The following SMURF1 variants were observed in gnomAD, a reference collection of about 807,000 sequenced individuals.
The protein encoded by SMURF1 is SMAD specific E3 ubiquitin protein ligase 1.
In SMURF1, 44 loss-of-function variants were observed where a neutral mutation model predicts 98.0. That is an observed-to-expected ratio of 0.45 (90% CI 0.35 to 0.58). The LOEUF (loss-of-function observed/expected upper bound fraction) is 0.58, where lower values mean the gene tolerates loss of function less well. Ranked by LOEUF, SMURF1 falls within the 20% of genes least tolerant of loss-of-function variation. The pLI, the probability that SMURF1 is intolerant of heterozygous loss-of-function variation, is 0.00. For missense variants in SMURF1, 687 were observed against 938.4 expected (o/e 0.73, Z 3.50); for synonymous variants, 396 against 374.9 (o/e 1.06, Z -0.65).
At chr7:99,043,206 G>C (rs965135891) in intron 11 of SMURF1, among the ~76,000 whole-genome samples, 2 of 152,208 alleles carry the variant, frequency 1.3e-5, no homozygotes, top group South Asian at 4.1e-4. Context: ...TTCTGGAAGT[G>C]GTAAGGGAAG....
At chr7:99,057,096 C>G (rs887717948) in intron 5 of SMURF1, 109 bp downstream of exon 5, 1 of 1,170,316 alleles carries the variant, frequency 8.5e-7, no homozygotes, top group South Asian at 1.3e-5. Context: ...GTGGTCTGTC[C>G]TCTGAGGCCC....
At chr7:99,054,977 A>G in intron 5 of SMURF1, 112 bp from the exon 6 acceptor site, 2 of 915,992 alleles carry the variant, frequency 2.2e-6, no homozygotes, top group South Asian at 2.7e-5. Flanking sequence ...AAAACGAGGC[A>G]TATGTGTATG....
At position 99,137,795 on chromosome 7, in the gene SMURF1, GT is replaced by G. The variant is rs199689176; in HGVS notation, c.55+5930del. On this transcript the variant is annotated intron_variant, in intron 1 of 17. Coordinates refer to ENST00000361368, the MANE Select transcript of SMURF1 (RefSeq NM_181349.3). The stretch of plus-strand genomic sequence containing the variant: ...CCTTGTTTTAAAACAATATGAGGGT[GT>G]TTTTTCCCCCATTAGTCCAGAAATG... Among the ~76,000 whole-genome samples the G allele has an allele frequency of 4.9e-3, 752 of 152,296 alleles. 3 individuals carry two copies. The highest frequency in any genetic ancestry group is 7.3e-3 in the Non-Finnish European group (497 of 68,032).
chr7:99,115,217 A>T (rs975496332), intron 1 of SMURF1, among the ~76,000 whole-genome samples: 1 of 152,136 alleles, frequency 6.6e-6, no homozygotes, highest in Non-Finnish European at 1.5e-5. Flanking sequence ...CTTTGAAAAG[A>T]TCAATAAAAC....
Position 99,040,312 on chromosome 7 carries a change from C to T in SMURF1, c.1550+66G>A, listed in dbSNP as rs1039705518. The T allele has an allele frequency of 1.3e-4, 180 of 1,387,240 alleles. 1 individual carries two copies. The highest frequency in any genetic ancestry group is 3.8e-4 in the South Asian group (21 of 55,890). 85.9% of individuals were successfully genotyped at this position (1,387,240 alleles called of 1,614,324 possible). ...ACACACACGCGCGCGCGCGCGCACG[C>T]GCATACATACGATAGACGTGGTGGT... On this transcript the variant is annotated intron_variant, in intron 13 of 17. Transcript: ENST00000361368.
chr7:99,103,704 C>A (rs898981791), intron 1 of SMURF1, among the ~76,000 whole-genome samples: 1 of 152,156 alleles, frequency 6.6e-6, no homozygotes, highest in Non-Finnish European at 1.5e-5. Context: ...AATACAGCAA[C>A]ACTGAGTTTA....
chr7:99,112,997 A>T lies in SMURF1; in HGVS notation c.55+30729T>A, dbSNP rs73709551. Among the ~76,000 whole-genome samples the T allele has an allele frequency of 9.1e-3, 1,376 of 151,726 alleles. 22 individuals are homozygous for T. The highest frequency in any genetic ancestry group is 0.029 in the African/African-American group (1,198 of 41,162). ...GCTTGATGAACAGAAATAAAAAAAA[A>T]TTTTTTTTAAATAAAGAGAGTCTAA... is the stretch of plus-strand genomic sequence containing the variant. On this transcript the variant is annotated intron_variant, in intron 1 of 17. Coordinates refer to ENST00000361368, the MANE Select transcript of SMURF1 (RefSeq NM_181349.3).
chr7:99,118,965 ATCG>A (rs372136604), intron 1 of SMURF1, among the ~76,000 whole-genome samples: 195 of 136,856 alleles, frequency 1.4e-3, no homozygotes, highest in Middle Eastern at 9.1e-3. Flanking sequence ...GGCTCAAGCG[ATCG>A]TCCCATCTCA....
intron 1 of SMURF1, among the ~76,000 whole-genome samples, chr7:99,080,686 CAAAAT>C (rs1394080980): frequency 1.3e-5 from 2 of 152,176 alleles, no homozygotes; most frequent in Non-Finnish European, 2.9e-5. Context: ...CACCTTCTAA[CAAAAT>C]AATAATAAGA....
In SMURF1 at chr7:99,028,529, G is replaced by A. The variant is rs1307598897; in HGVS notation, c.*2055C>T. 1 of 152,340 alleles carries A rather than the reference G, an allele frequency of 6.6e-6. No homozygotes were observed. Among genetic ancestry groups the A allele is most frequent in the Non-Finnish European group, 1.5e-5 (1 of 68,162 alleles). 9.4% of individuals were successfully genotyped at this position (152,340 alleles called of 1,614,324 possible). Reference sequence around the variant, plus strand: ...GAAGCAACACCCGGCACGAGAGGCAGGGCAGCACCAACCAGCATGGGGATG... The same window carrying A: ...GAAGCAACACCCGGCACGAGAGGCAAGGCAGCACCAACCAGCATGGGGATG... On this transcript the variant is annotated 3_prime_UTR_variant, in exon 18 of 18. Coordinates refer to ENST00000361368, the MANE Select transcript of SMURF1 (RefSeq NM_181349.3).
In SMURF1 at chr7:99,029,715, C is replaced by T. The variant is rs1170521714; in HGVS notation, c.*869G>A. 1 of 152,176 alleles carries T rather than the reference C, an allele frequency of 6.6e-6. No individual in the cohort carries two copies. The highest frequency in any genetic ancestry group is 1.9e-4 in the East Asian group (1 of 5,192). 9.4% of individuals were successfully genotyped at this position (152,176 alleles called of 1,614,324 possible). The stretch of plus-strand genomic sequence containing the variant: ...TATTTTAAGTGACACAGTCGATGCT[C>T]TTCTATGGACAACAGTGGCACAGAG... On this transcript the variant is annotated 3_prime_UTR_variant, in exon 18 of 18. Transcript: ENST00000361368.
chr7:99,056,175 A>C (rs1795871827), intron 5 of SMURF1, among the ~76,000 whole-genome samples: 1 of 152,222 alleles, frequency 6.6e-6, no homozygotes, highest in African/African-American at 2.4e-5. Flanking sequence ...ATGATGGTAG[A>C]TTTCAGGGTG....
chr7:99,036,202 G>A, intron 15 of SMURF1: 1 of 188,340 alleles, frequency 5.3e-6, no homozygotes, highest in Non-Finnish European at 1.1e-5. Flanking sequence ...CCTGCTGGGT[G>A]CAGTGGCTCA....
chr7:99,103,607 A>G (rs1429403513), intron 1 of SMURF1, among the ~76,000 whole-genome samples: 2 of 152,152 alleles, frequency 1.3e-5, no homozygotes, highest in African/African-American at 4.8e-5. Flanking sequence ...CCAAGACGTG[A>G]CAAACACAAT....
chr7:99,056,476 T>C (rs1795878305), intron 5 of SMURF1, among the ~76,000 whole-genome samples: 1 of 152,356 alleles, frequency 6.6e-6, no homozygotes, highest in East Asian at 1.9e-4. Context: ...CCCCTGACTG[T>C]ACAAATCATA....
chr7:99,065,830 G>A (rs1271932167), intron 1 of SMURF1, among the ~76,000 whole-genome samples: 3 of 152,052 alleles, frequency 2.0e-5, no homozygotes, highest in African/African-American at 4.8e-5. Context: ...GGAGGATCAC[G>A]AGGTCAAGAG....
chr7:99,129,310 A>C (rs1797811185), intron 1 of SMURF1, among the ~76,000 whole-genome samples: 1 of 152,200 alleles, frequency 6.6e-6, no homozygotes, highest in South Asian at 2.1e-4. Flanking sequence ...TATTGAACAC[A>C]TTATGTACCA....
chr7:99,091,153 A>G (rs1796801556), intron 1 of SMURF1, among the ~76,000 whole-genome samples: 1 of 152,212 alleles, frequency 6.6e-6, no homozygotes, highest in Non-Finnish European at 1.5e-5. Flanking sequence ...GTGAGTGCAT[A>G]TATACATAAA....
intron 1 of SMURF1, among the ~76,000 whole-genome samples, chr7:99,138,900 A>G (rs1200916250): frequency 6.6e-6 from 1 of 152,212 alleles, no homozygotes. Flanking sequence ...ACACCTTCCA[A>G]TAATTCATCT....
Sources: gnomAD v4.1 joint callset for allele counts (sites outside exome capture counted in the v4.1 genomes callset) on GRCh38, gnomAD v4.1.1 for gene constraint, MANE v1.5 for transcripts, NCBI Gene and HGNC (gene_info 2026-07-23, HGNC 2026-07-21) for gene names.